The following PTPRR variants were observed in gnomAD, a reference collection of about 807,000 sequenced individuals.
PTPRR encodes the protein protein tyrosine phosphatase receptor type R.
A neutral mutation model predicts 77.2 loss-of-function variants in PTPRR; 38 were observed. That is an observed-to-expected ratio of 0.49 (90% CI 0.38 to 0.65). The LOEUF (loss-of-function observed/expected upper bound fraction) is 0.65, where lower values mean the gene tolerates loss of function less well. PTPRR is among the 30% of genes least tolerant of loss of function. PTPRR has a pLI of 0.00. For missense variants in PTPRR, 744 were observed against 799.2 expected (o/e 0.93, Z 0.83); for synonymous variants, 299 against 283.1 (o/e 1.06, Z -0.57).
intron 5 of PTPRR, 55 bp downstream of exon 5, chr12:70,754,136 T>A (rs554677870): frequency 6.6e-7 from 1 of 1,526,256 alleles, no homozygotes; most frequent in East Asian, 2.3e-5. Flanking sequence ...ATGTACCCAC[T>A]AATATCAAGC....
chr12:70,797,618 C>T (rs1891539182), intron 2 of PTPRR, among the ~76,000 whole-genome samples: 2 of 152,298 alleles, frequency 1.3e-5, no homozygotes, highest in African/African-American at 4.8e-5. Context: ...CCAATCATGT[C>T]AATGGTCTCA....
At chr12:70,881,799 G>T (rs76388803) in intron 2 of PTPRR, among the ~76,000 whole-genome samples, 1 of 152,154 alleles carries the variant, frequency 6.6e-6, no homozygotes. Flanking sequence ...GACAACATGC[G>T]TGTTTGTATT....
rs145031518 is a variant in PTPRR at position 70,888,992 on chromosome 12, C to T, written c.357+3687G>A. Reference sequence around the variant, plus strand: ...CATATCCTAGGGATCTTAACTTTCTCCTATGTCAGGAGAAATGTTAAATGC... The same window carrying T: ...CATATCCTAGGGATCTTAACTTTCTTCTATGTCAGGAGAAATGTTAAATGC... On this transcript the variant is annotated intron_variant, in intron 2 of 13. Transcript: ENST00000283228. Among the ~76,000 whole-genome samples the T allele has an allele frequency of 1.1e-3, 164 of 152,244 alleles. No homozygotes were observed. The Middle Eastern group carries it at 0.017, about 16-fold the overall frequency.
intron 2 of PTPRR, among the ~76,000 whole-genome samples, chr12:70,765,850 G>C (rs1223203897): frequency 6.6e-6 from 1 of 152,178 alleles, no homozygotes; most frequent in Non-Finnish European, 1.5e-5. Flanking sequence ...AGCATTCGCA[G>C]TTCACAAACA....
intron 6 of PTPRR, among the ~76,000 whole-genome samples, chr12:70,701,805 T>G (rs957752420): frequency 2.6e-5 from 4 of 151,980 alleles, no homozygotes; most frequent in Non-Finnish European, 4.4e-5. Context: ...AAACCCTGTC[T>G]CTACAAAACA....
intron 2 of PTPRR, among the ~76,000 whole-genome samples, chr12:70,874,187 T>C (rs183593336): frequency 2.7e-3 from 408 of 152,320 alleles, no homozygotes; most frequent in African/African-American, 8.0e-3. Flanking sequence ...GCCCATACTT[T>C]TACTCTTCAG....
At chr12:70,840,195 A>G (rs538523420) in intron 2 of PTPRR, among the ~76,000 whole-genome samples, 2 of 152,010 alleles carry the variant, frequency 1.3e-5, no homozygotes, top group African/African-American at 4.8e-5. Flanking sequence ...CTGGAGGGGG[A>G]ATCTAGTGTT....
chr12:70,684,580 A>G, intron 9 of PTPRR, 124 bp downstream of exon 9: 1 of 740,242 alleles, frequency 1.4e-6, no homozygotes, highest in Non-Finnish European at 2.2e-6. Flanking sequence ...TAAAAAACCA[A>G]ACAAAATGAA....
At chr12:70,872,709 A>AC (rs1039155700) in intron 2 of PTPRR, among the ~76,000 whole-genome samples, 1 of 148,984 alleles carries the variant, frequency 6.7e-6, no homozygotes, top group African/African-American at 2.5e-5. Context: ...AAAAAAAAAA[A>AC]AAAAAAAAAA....
chr12:70,854,713 A>G (rs1043372470), intron 2 of PTPRR, among the ~76,000 whole-genome samples: 28 of 152,220 alleles, frequency 1.8e-4, no homozygotes, highest in African/African-American at 6.8e-4. Flanking sequence ...TAGCTCTGCC[A>G]TCCACAAACT....
chr12:70,671,800 C>T (rs1032666977), intron 10 of PTPRR: 5 of 546,090 alleles, frequency 9.2e-6, no homozygotes, highest in Non-Finnish European at 1.3e-5. Context: ...CTGCTGCATG[C>T]AGTTCCCCGG....
At chr12:70,837,801 G>A (rs898767788) in intron 2 of PTPRR, among the ~76,000 whole-genome samples, 2 of 151,990 alleles carry the variant, frequency 1.3e-5, no homozygotes, top group African/African-American at 4.8e-5. Flanking sequence ...TTTCCTTGAG[G>A]TTGAAGATTG....
In PTPRR at chr12:70,715,144, AAG is replaced by A. The variant is rs1386695572; in HGVS notation, c.1008-13823_1008-13822del. 3.9e-5 allele frequency among the ~76,000 whole-genome samples: 6 copies of A among 152,142 alleles called. No individual in the cohort carries two copies. In the South Asian group the frequency reaches 8.3e-4, roughly 21 times the overall value. Reference sequence around the variant, plus strand: ...TGAGAAATAAAGGGACAGAGTACAAAAGAGAGAAATTTTAAAGCTGGGCGTCC... The same window carrying A: ...TGAGAAATAAAGGGACAGAGTACAAAAGAGAAATTTTAAAGCTGGGCGTCC... On this transcript the variant is annotated intron_variant, in intron 6 of 13. Coordinates refer to ENST00000283228, the MANE Select transcript of PTPRR (RefSeq NM_002849.4).
At chr12:70,819,214 C>T (rs376196622) in intron 2 of PTPRR, among the ~76,000 whole-genome samples, 15 of 152,166 alleles carry the variant, frequency 9.9e-5, no homozygotes, top group Middle Eastern at 3.4e-3. Flanking sequence ...CCAGCTACTC[C>T]GGAGGCTGAG....
chr12:70,721,041 A>G (rs1211867714), intron 6 of PTPRR, among the ~76,000 whole-genome samples: 4 of 152,214 alleles, frequency 2.6e-5, no homozygotes, highest in African/African-American at 9.6e-5. Flanking sequence ...CATATCTTAT[A>G]TAAACCAGAT....
intron 6 of PTPRR, among the ~76,000 whole-genome samples, chr12:70,709,261 C>A (rs1430154476): frequency 6.6e-6 from 1 of 151,990 alleles, no homozygotes; most frequent in African/African-American, 2.4e-5. Flanking sequence ...GAATAAAATT[C>A]AACATCCATT....
Position 70,891,323 on chromosome 12 carries a change from C to T in PTPRR, c.357+1356G>A, listed in dbSNP as rs143304970. Among the ~76,000 whole-genome samples, 183 of 152,214 alleles carry T rather than the reference C, an allele frequency of 1.2e-3. 1 individual carries two copies. Among genetic ancestry groups the T allele is most frequent in the African/African-American group, 4.2e-3 (176 of 41,560 alleles). The stretch of plus-strand genomic sequence containing the variant: ...TCACAGTGACTTTAAGAGTTGATGA[C>T]TATGGGTATATGATGGTCACTAAGG... On this transcript the variant is annotated intron_variant, in intron 2 of 13. Coordinates refer to ENST00000283228, the MANE Select transcript of PTPRR (RefSeq NM_002849.4).
At chr12:70,808,115 G>A (rs1891743612) in intron 2 of PTPRR, among the ~76,000 whole-genome samples, 1 of 152,038 alleles carries the variant, frequency 6.6e-6, no homozygotes, top group African/African-American at 2.4e-5. Context: ...CCCTGGGAGT[G>A]TCTGCTTTTA....
At chr12:70,721,771 A>G (rs1000764526) in intron 6 of PTPRR, among the ~76,000 whole-genome samples, 1 of 152,148 alleles carries the variant, frequency 6.6e-6, no homozygotes, top group African/African-American at 2.4e-5. Context: ...TACCGTAGTG[A>G]ACAAATAAAC....
Sources: gnomAD v4.1 joint callset for allele counts (sites outside exome capture counted in the v4.1 genomes callset) on GRCh38, gnomAD v4.1.1 for gene constraint, MANE v1.5 for transcripts, NCBI Gene and HGNC (gene_info 2026-07-23, HGNC 2026-07-21) for gene names.